Variants in ARHGAP15 observed in about 807,000 individuals in gnomAD.
ARHGAP15 encodes Rho GTPase activating protein 15, also known as rho GTPase-activating protein 15.
ARHGAP15 carries 51 observed loss-of-function variants against 63.7 expected under a neutral mutation model. The observed-to-expected ratio is 0.80, with a 90% confidence interval of 0.64 to 1.01. The LOEUF (loss-of-function observed/expected upper bound fraction) is 1.01. ARHGAP15 is among the 50% of genes least tolerant of loss of function. The pLI, the probability that ARHGAP15 is intolerant of heterozygous loss-of-function variation, is 0.00. For missense variants in ARHGAP15, 560 were observed against 564.6 expected, an observed-to-expected ratio of 0.99 and a Z score of 0.08; for synonymous variants, 191 against 193.8, an observed-to-expected ratio of 0.99 and a Z score of 0.12.
intron 8 of ARHGAP15, among the ~76,000 whole-genome samples, chr2:143,465,967 G>C (rs1558990247): frequency 6.6e-6 from 1 of 152,074 alleles, no homozygotes; most frequent in Non-Finnish European, 1.5e-5. Flanking sequence ...AGATACCCCA[G>C]CACTGCCAGT....
chr2:143,731,262 CTAAT>C (rs1242231551), intron 13 of ARHGAP15, among the ~76,000 whole-genome samples: 1 of 152,138 alleles, frequency 6.6e-6, no homozygotes, highest in Non-Finnish European at 1.5e-5. Flanking sequence ...CTCCAACTGA[CTAAT>C]TATTCTAGGT....
intron 13 of ARHGAP15, among the ~76,000 whole-genome samples, chr2:143,732,317 T>C (rs1685570516): frequency 6.6e-6 from 1 of 152,216 alleles, no homozygotes; most frequent in Non-Finnish European, 1.5e-5. Context: ...TGGAACCTCA[T>C]AGCATGCATT....
At chr2:143,605,727 T>C (rs190569009) in intron 11 of ARHGAP15, among the ~76,000 whole-genome samples, 2 of 151,476 alleles carry the variant, frequency 1.3e-5, no homozygotes, top group Non-Finnish European at 3.0e-5. Context: ...CTTAAAAGCA[T>C]TCACCTCCAG....
Position 143,399,273 on chromosome 2 carries a change from T to TA in ARHGAP15, c.475-36327dup, listed in dbSNP as rs569504356. On this transcript the variant is annotated intron_variant, in intron 6 of 13. Coordinates refer to ENST00000295095, the MANE Select transcript of ARHGAP15 (RefSeq NM_018460.4). ...CTTATACAATTATTACTTTTTTTTTTATCCTTTGAGACATTTTTTCTTTAG... is the reference window on the plus strand; with the variant it reads ...CTTATACAATTATTACTTTTTTTTTTAATCCTTTGAGACATTTTTTCTTTAG... Among the ~76,000 whole-genome samples the TA allele has an allele frequency of 3.4e-4, 51 of 151,954 alleles. No individual in the cohort carries two copies. In the South Asian group the frequency reaches 5.8e-3, roughly 17 times the overall value.
Position 143,385,822 on chromosome 2 carries a change from G to A in ARHGAP15, c.475-49779G>A, listed in dbSNP as rs955152327. On this transcript the variant is annotated intron_variant, in intron 6 of 13. Coordinates refer to ENST00000295095, the MANE Select transcript of ARHGAP15 (RefSeq NM_018460.4). Reference sequence around the variant, plus strand: ...AATGTAGATGTCTTAGATAAACATTGATCTAGATTTTTTAGGTTCTTTGAT... The same window carrying A: ...AATGTAGATGTCTTAGATAAACATTAATCTAGATTTTTTAGGTTCTTTGAT... Among the ~76,000 whole-genome samples, 8 of 152,142 alleles carry A rather than the reference G, an allele frequency of 5.3e-5. No homozygotes were observed. The East Asian group carries it at 1.3e-3, about 26-fold the overall frequency.
At chr2:143,762,045 A>C (rs1211351423) in intron 13 of ARHGAP15, among the ~76,000 whole-genome samples, 1 of 152,188 alleles carries the variant, frequency 6.6e-6, no homozygotes, top group African/African-American at 2.4e-5. Context: ...AAAACTAAGC[A>C]GTATAAATAA....
chr2:143,489,825 A>G (rs1424899182), intron 9 of ARHGAP15, among the ~76,000 whole-genome samples: 1 of 152,208 alleles, frequency 6.6e-6, no homozygotes, highest in Non-Finnish European at 1.5e-5. Flanking sequence ...TCACTTGGCC[A>G]GATAATCTAT....
At chr2:143,301,772 CAT>C (rs1253991713) in intron 6 of ARHGAP15, among the ~76,000 whole-genome samples, 36 of 151,432 alleles carry the variant, frequency 2.4e-4, no homozygotes, top group African/African-American at 7.5e-4. Context: ...ATAATACATA[CAT>C]GGACGGATGT....
chr2:143,761,965 T>C (rs567234435), intron 13 of ARHGAP15, among the ~76,000 whole-genome samples: 2 of 152,286 alleles, frequency 1.3e-5, no homozygotes, highest in East Asian at 3.9e-4. Context: ...AGAAATGCTT[T>C]TACTAGGAAT....
chr2:143,255,882 T>C lies in ARHGAP15; in HGVS notation c.474+5282T>C, dbSNP rs1680398713. Among the ~76,000 whole-genome samples, 3 of 152,240 alleles carry C rather than the reference T, an allele frequency of 2.0e-5. No homozygotes were observed. In the South Asian group the frequency reaches 6.2e-4, roughly 32 times the overall value. On this transcript the variant is annotated intron_variant, in intron 6 of 13. Transcript: ENST00000295095. ...AAATAGACCAGAGTAAGAGAAACATTCACGTCTAACACAGTTGTTTTTTGC... is the reference window on the plus strand; with the variant it reads ...AAATAGACCAGAGTAAGAGAAACATCCACGTCTAACACAGTTGTTTTTTGC...
At chr2:143,298,389 T>A (rs1224290707) in intron 6 of ARHGAP15, among the ~76,000 whole-genome samples, 1 of 152,006 alleles carries the variant, frequency 6.6e-6, no homozygotes, top group Non-Finnish European at 1.5e-5. Context: ...GACAGCACTT[T>A]GTTTTACCTT....
chr2:143,505,269 C>T (rs925727537), intron 9 of ARHGAP15, among the ~76,000 whole-genome samples: 2 of 152,182 alleles, frequency 1.3e-5, no homozygotes, highest in African/African-American at 2.4e-5. Flanking sequence ...TCTAAGTCCC[C>T]TCCCTCCATA....
chr2:143,442,554 G>A (rs767404597), intron 8 of ARHGAP15, among the ~76,000 whole-genome samples: 7 of 152,082 alleles, frequency 4.6e-5, no homozygotes, highest in Non-Finnish European at 7.4e-5. Flanking sequence ...CCTCCGAGCC[G>A]GAAGAAATAA....
chr2:143,540,825 C>G (rs559763968), intron 10 of ARHGAP15, among the ~76,000 whole-genome samples: 1 of 152,136 alleles, frequency 6.6e-6, no homozygotes, highest in Non-Finnish European at 1.5e-5. Context: ...TCCTTCATTT[C>G]AACTTTGGTG....
rs1404413187 is a variant in ARHGAP15, at chr2:143,320,388, C to T, written c.474+69788C>T. 2.2e-5 allele frequency among the ~76,000 whole-genome samples: 3 copies of T among 138,192 alleles called. 1 individual carries two copies. The highest frequency in any genetic ancestry group is 1.5e-4 in the Admixed American group (2 of 13,190). The allele number at this position is 138,192 out of a possible 152,430, so 90.7% of individuals were successfully genotyped here. On this transcript the variant is annotated intron_variant, in intron 6 of 13. Coordinates refer to ENST00000295095, the MANE Select transcript of ARHGAP15 (RefSeq NM_018460.4). Reference sequence around the variant, plus strand: ...TTCACAGTAGGGAAATTGATAAATGCCACAAATCAGGACTTCCCCACCCCC... The same window carrying T: ...TTCACAGTAGGGAAATTGATAAATGTCACAAATCAGGACTTCCCCACCCCC...
chr2:143,686,594 ACT>A (rs1367352163), intron 12 of ARHGAP15, among the ~76,000 whole-genome samples: 3 of 152,092 alleles, frequency 2.0e-5, no homozygotes, highest in Non-Finnish European at 2.9e-5. Flanking sequence ...AAATTAAATG[ACT>A]GTTTTTGAAC....
At chr2:143,402,001 A>G (rs1688008012) in intron 6 of ARHGAP15, among the ~76,000 whole-genome samples, 1 of 151,928 alleles carries the variant, frequency 6.6e-6, no homozygotes, top group South Asian at 2.1e-4. Flanking sequence ...TGTATCCCAG[A>G]AATCCATATG....
chr2:143,541,473 T>G (rs1695049700), intron 10 of ARHGAP15, among the ~76,000 whole-genome samples: 1 of 152,152 alleles, frequency 6.6e-6, no homozygotes, highest in African/African-American at 2.4e-5. Flanking sequence ...GAGTTTCCGG[T>G]TTTTCAGCTC....
chr2:143,644,820 A>C (rs994627758), intron 12 of ARHGAP15, among the ~76,000 whole-genome samples: 1 of 152,040 alleles, frequency 6.6e-6, no homozygotes, highest in Non-Finnish European at 1.5e-5. Flanking sequence ...TCTAGTCCTC[A>C]TTTTAAATGT....
Sources: allele counts gnomAD v4.1 joint callset (sites outside exome capture counted in the v4.1 genomes callset), GRCh38; gene constraint gnomAD v4.1.1; transcripts MANE v1.5; gene names NCBI Gene and HGNC (gene_info 2026-07-23, HGNC 2026-07-21).